Variants in WDR62 observed in about 807,000 individuals in gnomAD.
WDR62 encodes WD repeat-containing protein 62.
Under a neutral mutation model 160.6 loss-of-function variants are expected in WDR62, and 112 were observed. The ratio of observed to expected loss-of-function variants is 0.70; its 90% CI spans 0.60 to 0.82. The LOEUF (loss-of-function observed/expected upper bound fraction) is 0.82, where lower values mean the gene tolerates loss of function less well. WDR62 is among the 40% of genes least tolerant of loss of function. The pLI is 0.00. For missense variants in WDR62, 1,819 were observed against 1,983.8 expected, an observed-to-expected ratio of 0.92 and a Z score of 1.58; for synonymous variants, 792 against 815.1, an observed-to-expected ratio of 0.97 and a Z score of 0.48.
At chr19:36,069,797 C>T (rs565073010) in intron 7 of WDR62, among the ~76,000 whole-genome samples, 2,653 of 152,322 alleles carry the variant, frequency 0.017, 32 homozygotes, top group Non-Finnish European at 0.029. Flanking sequence ...GAGACCAGCC[C>T]GGCCAACACA....
chr19:36,063,003 G>T (rs1970741004), intron 3 of WDR62, among the ~76,000 whole-genome samples: 1 of 152,022 alleles, frequency 6.6e-6, no homozygotes, highest in Non-Finnish European at 1.5e-5. Context: ...CTGGAGTGCA[G>T]TGGTGGGATC....
intron 18 of WDR62, 115 bp downstream of exon 18, chr19:36,091,580 G>A (rs1193668973): frequency 2.0e-6 from 2 of 1,015,952 alleles, no homozygotes; most frequent in Non-Finnish European, 3.1e-6. Context: ...GAGTCTTGGT[G>A]TCACACCCAG....
At chr19:36,093,955 C>T (rs1331571149) in intron 19 of WDR62, 76 bp from the exon 20 acceptor site, 22 of 1,579,856 alleles carry the variant, frequency 1.4e-5, no homozygotes, top group Admixed American at 3.3e-5. Context: ...TAGCACAGGG[C>T]CCAGCCCTAG....
intron 18 of WDR62, 63 bp downstream of exon 18, chr19:36,091,528 C>T: frequency 6.6e-7 from 1 of 1,510,742 alleles, no homozygotes; most frequent in South Asian, 1.1e-5. Flanking sequence ...CTCAGCCTGC[C>T]TGTGTAGAGA....
At chr19:36,105,939 TCCG>T, downstream of WDR62, among the ~76,000 whole-genome samples, 1 of 152,036 alleles carries the variant, frequency 6.6e-6, no homozygotes, top group East Asian at 1.9e-4. Context: ...CCTTGGGAGA[TCCG>T]CCCACCTCGG....
intron 3 of WDR62, among the ~76,000 whole-genome samples, chr19:36,064,152 G>T (rs1033691590): frequency 7.9e-5 from 12 of 152,220 alleles, no homozygotes; most frequent in African/African-American, 2.9e-4. Flanking sequence ...CAGGTTAGAG[G>T]TGGCTACGGG....
At chr19:36,076,159 T>C (rs1374623231) in intron 9 of WDR62, among the ~76,000 whole-genome samples, 1 of 152,224 alleles carries the variant, frequency 6.6e-6, no homozygotes, top group African/African-American at 2.4e-5. Context: ...GACCCTAGTA[T>C]TTCTTGATAG....
chr19:36,097,696 C>A (rs1973057280), intron 21 of WDR62, among the ~76,000 whole-genome samples: 3 of 151,824 alleles, frequency 2.0e-5, no homozygotes, highest in Admixed American at 1.3e-4. Flanking sequence ...CCAGCCTGAG[C>A]AATATAGTGA....
Position 36,091,318 on chromosome 19 carries a change from G to A in WDR62, c.2146+7G>A, listed in dbSNP as rs771526985. ...AAGATGTTTGGCCATTCAGGTGGGT[G>A]TGCCTCTCTGCTTGGGATGCCTCCC... On this transcript the variant is annotated splice_region_variant and intron_variant, in intron 17 of 31. Transcript: ENST00000401500. The A allele has an allele frequency of 1.4e-5, 22 of 1,613,968 alleles. No individual in the cohort carries two copies. Among genetic ancestry groups the A allele is most frequent in the Non-Finnish European group, 1.8e-5 (21 of 1,179,896 alleles).
intron 1 of WDR62, 127 bp from the exon 2 acceptor site, chr19:36,058,653 G>A (rs1162487718): frequency 2.8e-6 from 2 of 724,738 alleles, no homozygotes; most frequent in East Asian, 5.3e-5. Context: ...GCTGCTGGTG[G>A]ATGGCGTGGC....
At chr19:36,096,421 C>T (rs1292452417) in intron 20 of WDR62, among the ~76,000 whole-genome samples, 1 of 152,052 alleles carries the variant, frequency 6.6e-6, no homozygotes, top group African/African-American at 2.4e-5. Flanking sequence ...AAAAGAGAAC[C>T]CCGGCTGGGC....
chr19:36,108,086 C>G (rs994003304), downstream of WDR62, among the ~76,000 whole-genome samples: 5 of 152,060 alleles, frequency 3.3e-5, no homozygotes, highest in African/African-American at 1.2e-4. Context: ...AACAAGAACC[C>G]AAAAGAGCAA....
rs753471579 is a variant in WDR62, at chr19:36,094,020, C to G, written c.2334-11C>G. 19 of 1,613,680 alleles carry G rather than the reference C, an allele frequency of 1.2e-5. No individual in the cohort carries two copies. The highest frequency in any genetic ancestry group is 1.4e-5 in the Non-Finnish European group (17 of 1,179,922). ...GTATTCTCTCCTTACCATCCTCATT[C>G]CTGGCTTTAGGCAGGATACGTATGT... On this transcript the variant is annotated splice_polypyrimidine_tract_variant and intron_variant, in intron 19 of 31. Coordinates refer to ENST00000401500, the MANE Select transcript of WDR62 (RefSeq NM_001083961.2).
chr19:36,066,189 G>A (rs547066284), intron 4 of WDR62, 68 bp from the exon 5 acceptor site: 19 of 1,609,980 alleles, frequency 1.2e-5, no homozygotes, highest in African/African-American at 4.0e-5. Flanking sequence ...TGCCATCTTC[G>A]GCCTTGACAA....
intron 3 of WDR62, chr19:36,060,822 T>G (rs914786656): frequency 6.6e-6 from 1 of 152,284 alleles, no homozygotes; most frequent in African/African-American, 2.4e-5. Context: ...TTTCTCTGAG[T>G]TCATTTCTGT....
intron 19 of WDR62, 72 bp downstream of exon 19, chr19:36,092,883 C>T (rs1599822580): frequency 6.2e-7 from 1 of 1,610,350 alleles, no homozygotes; most frequent in Non-Finnish European, 8.5e-7. Context: ...ATGCTGGGGA[C>T]ACAGTGGTGG....
At chr19:36,110,957 T>A in the WDR62 span, among the ~76,000 whole-genome samples, 62 of 152,148 alleles carry the variant, frequency 4.1e-4, no homozygotes, top group African/African-American at 1.4e-3. Context: ...TTGGTGGTCC[T>A]AGTGCTTGTC....
chr19:36,096,500 T>C (rs1972965410), intron 20 of WDR62, among the ~76,000 whole-genome samples: 1 of 151,744 alleles, frequency 6.6e-6, no homozygotes, highest in African/African-American at 2.4e-5. Flanking sequence ...GTTCAGGAGA[T>C]CGAGACCATC....
At chr19:36,055,326 G>C (rs1970302291) in intron 1 of WDR62, among the ~76,000 whole-genome samples, 178 bp downstream of exon 1, 1 of 151,260 alleles carries the variant, frequency 6.6e-6, no homozygotes, top group African/African-American at 2.4e-5. Flanking sequence ...CTTTCTCCTC[G>C]CTGCTTTCCC....
Sources: gnomAD v4.1 joint callset for allele counts (sites outside exome capture counted in the v4.1 genomes callset) on GRCh38, gnomAD v4.1.1 for gene constraint, MANE v1.5 for transcripts, NCBI Gene and HGNC (gene_info 2026-07-23, HGNC 2026-07-21) for gene names.